The following AGBL4 variants were observed in gnomAD, a reference collection of about 807,000 sequenced individuals.
AGBL4 encodes AGBL carboxypeptidase 4.
In AGBL4, 58 loss-of-function variants were observed where a neutral mutation model predicts 66.4. The ratio of observed to expected loss-of-function variants is 0.87; its 90% CI spans 0.71 to 1.09. The LOEUF (loss-of-function observed/expected upper bound fraction) is 1.09. Ranked by LOEUF, AGBL4 falls within the 50% of genes least tolerant of loss-of-function variation. AGBL4 has a pLI of 0.00. For missense variants in AGBL4, 579 were observed against 631.0 expected (o/e 0.92, Z 0.88); for synonymous variants, 234 against 222.9 (o/e 1.05, Z -0.44).
In AGBL4 at chr1:49,482,287, TG is replaced by T. The variant is rs556217408; in HGVS notation, c.282+215025del. Among the ~76,000 whole-genome samples, 3 of 152,090 alleles carry T rather than the reference TG, an allele frequency of 2.0e-5. No individual in the cohort carries two copies. In the East Asian group the frequency reaches 5.8e-4, roughly 29 times the overall value. The stretch of plus-strand genomic sequence containing the variant: ...GGTAGGTAGGACCAGGTTTATTGGT[TG>T]GTAGGCTCTTCATTACTGCCTCAGA... On this transcript the variant is annotated intron_variant, in intron 3 of 13. Transcript: ENST00000371839.
chr1:49,019,087 A>G (rs1663045895), intron 5 of AGBL4, among the ~76,000 whole-genome samples: 1 of 152,202 alleles, frequency 6.6e-6, no homozygotes, highest in Non-Finnish European at 1.5e-5. Flanking sequence ...AATAGGAAGT[A>G]TGAGCTATCA....
At chr1:48,982,942 C>G (rs1468391727) in intron 5 of AGBL4, among the ~76,000 whole-genome samples, 1 of 152,118 alleles carries the variant, frequency 6.6e-6, no homozygotes, top group African/African-American at 2.4e-5. Context: ...TTGCATTTCT[C>G]TGATGGTGCC....
intron 4 of AGBL4, among the ~76,000 whole-genome samples, chr1:49,113,016 A>G (rs148060938): frequency 0.011 from 1,615 of 151,696 alleles, 18 homozygotes; most frequent in Non-Finnish European, 0.017. Flanking sequence ...CAGTGGCGCA[A>G]TCTCGGCTCA....
At chr1:49,805,161 A>C (rs866458893) in intron 2 of AGBL4, among the ~76,000 whole-genome samples, 1 of 152,214 alleles carries the variant, frequency 6.6e-6, no homozygotes, top group East Asian at 1.9e-4. Context: ...AAGGAAAACA[A>C]GGGAGTTTCG....
At chr1:48,764,487 G>A (rs1484965876) in intron 6 of AGBL4, among the ~76,000 whole-genome samples, 2 of 152,116 alleles carry the variant, frequency 1.3e-5, no homozygotes, top group Non-Finnish European at 2.9e-5. Flanking sequence ...AAATGGGGAA[G>A]GGGGGGAAAT....
chr1:48,719,520 T>G (rs1052870642), intron 6 of AGBL4, among the ~76,000 whole-genome samples: 3 of 152,192 alleles, frequency 2.0e-5, no homozygotes, highest in African/African-American at 4.8e-5. Context: ...CACCCTTCAG[T>G]GTGTCCATGG....
intron 3 of AGBL4, among the ~76,000 whole-genome samples, chr1:49,315,676 T>C (rs1282000145): frequency 6.6e-6 from 1 of 152,000 alleles, no homozygotes; most frequent in Non-Finnish European, 1.5e-5. Context: ...TGCCAAATAG[T>C]ACATCTACTT....
chr1:49,435,192 G>A (rs1183244), intron 3 of AGBL4, among the ~76,000 whole-genome samples: 9,852 of 152,124 alleles, frequency 0.065, 1,016 homozygotes, highest in African/African-American at 0.22. Context: ...TTTTCAATAT[G>A]CTCCATGGTA....
intron 2 of AGBL4, among the ~76,000 whole-genome samples, chr1:49,731,916 T>G (rs1649485519): frequency 6.6e-6 from 1 of 152,138 alleles, no homozygotes; most frequent in African/African-American, 2.4e-5. Context: ...ACTACTTAAC[T>G]AACAGTAAGA....
In AGBL4 at chr1:48,698,992, T is replaced by C. The variant is rs185919779; in HGVS notation, c.635-35751A>G. Among the ~76,000 whole-genome samples the C allele has an allele frequency of 2.0e-3, 305 of 152,318 alleles. 2 individuals are homozygous for C. Among genetic ancestry groups the C allele is most frequent in the African/African-American group, 7.0e-3 (291 of 41,570 alleles). On this transcript the variant is annotated intron_variant, in intron 6 of 13. Coordinates refer to ENST00000371839, the MANE Select transcript of AGBL4 (RefSeq NM_032785.4). ...TTTAACTCTCATTGGTGCTAGTAGG[T>C]TGGGGATCCTCTGTGGACCATATAT...
chr1:49,360,449 A>G (rs536996229), intron 3 of AGBL4, among the ~76,000 whole-genome samples: 1 of 152,358 alleles, frequency 6.6e-6, no homozygotes, highest in Non-Finnish European at 1.5e-5. Flanking sequence ...TAGTCATTAT[A>G]ATTTTTAGTA....
At chr1:48,646,847 T>C (rs184805315) in intron 8 of AGBL4, among the ~76,000 whole-genome samples, 1 of 152,114 alleles carries the variant, frequency 6.6e-6, no homozygotes, top group Non-Finnish European at 1.5e-5. Flanking sequence ...ACTACCTCCA[T>C]CATGGGGCTG....
At chr1:48,917,611 G>A (rs1653699920) in intron 5 of AGBL4, among the ~76,000 whole-genome samples, 1 of 152,142 alleles carries the variant, frequency 6.6e-6, no homozygotes, top group Non-Finnish European at 1.5e-5. Flanking sequence ...AGATTTGCTG[G>A]TACTTCTTAA....
At chr1:48,960,466 T>C (rs982557721) in intron 5 of AGBL4, among the ~76,000 whole-genome samples, 2 of 152,172 alleles carry the variant, frequency 1.3e-5, no homozygotes, top group Non-Finnish European at 2.9e-5. Context: ...TCAGCTAACA[T>C]ATGGTATTTT....
intron 6 of AGBL4, among the ~76,000 whole-genome samples, chr1:48,699,320 G>A (rs1013232876): frequency 1.3e-5 from 2 of 152,152 alleles, no homozygotes; most frequent in Non-Finnish European, 2.9e-5. Context: ...ACTTTGTGGC[G>A]ATGCTGTAAG....
intron 5 of AGBL4, among the ~76,000 whole-genome samples, chr1:48,951,818 G>T (rs141251445): frequency 6.6e-6 from 1 of 152,328 alleles, no homozygotes; most frequent in African/African-American, 2.4e-5. Flanking sequence ...TAGTATTTTT[G>T]ATGAGAATTG....
At chr1:49,319,078 T>C (rs6698947) in intron 3 of AGBL4, among the ~76,000 whole-genome samples, 1 of 151,914 alleles carries the variant, frequency 6.6e-6, no homozygotes. Context: ...TACTAAAGTT[T>C]TTATTTATGA....
intron 6 of AGBL4, among the ~76,000 whole-genome samples, chr1:48,790,417 G>C (rs983530084): frequency 5.3e-5 from 8 of 152,132 alleles, no homozygotes; most frequent in Non-Finnish European, 7.3e-5. Flanking sequence ...CATCCTGAAG[G>C]TTCTTTTTTC....
chr1:49,203,946 C>T (rs928727899), intron 4 of AGBL4, among the ~76,000 whole-genome samples: 15 of 152,250 alleles, frequency 9.9e-5, no homozygotes, highest in Middle Eastern at 3.4e-3. Flanking sequence ...TTTTGTCACA[C>T]TAAAGATTTT....
Sources: gnomAD v4.1 joint callset for allele counts (sites outside exome capture counted in the v4.1 genomes callset) on GRCh38, gnomAD v4.1.1 for gene constraint, MANE v1.5 for transcripts, NCBI Gene and HGNC (gene_info 2026-07-23, HGNC 2026-07-21) for gene names.